ROBO1: variants seen among roughly 807,000 people sequenced by gnomAD.
ROBO1 encodes the protein roundabout homolog 1.
Under a neutral mutation model 195.9 loss-of-function variants are expected in ROBO1, and 149 were observed. The observed-to-expected ratio is 0.76, with a 90% confidence interval of 0.67 to 0.87. The LOEUF (loss-of-function observed/expected upper bound fraction) is 0.87. Among genes scored for constraint, ROBO1 ranks in the 40% least tolerant of loss-of-function variants. The probability of loss-of-function intolerance (pLI) is 0.00; values close to 1 mark genes in which losing one functional copy is unlikely to be tolerated. For missense variants in ROBO1, 1,933 were observed against 2,068.3 expected, an observed-to-expected ratio of 0.93 and a Z score of 1.27; for synonymous variants, 816 against 733.2, an observed-to-expected ratio of 1.11 and a Z score of -1.82.
At chr3:79,753,956 T>C (rs961414293) in intron 1 of ROBO1, among the ~76,000 whole-genome samples, 4 of 152,148 alleles carry the variant, frequency 2.6e-5, no homozygotes, top group South Asian at 2.1e-4. Flanking sequence ...AAATCTACCA[T>C]TGGTTGAGGG....
intron 1 of ROBO1, among the ~76,000 whole-genome samples, chr3:79,695,921 C>T (rs115208573): frequency 0.021 from 3,112 of 145,768 alleles, 112 homozygotes; most frequent in African/African-American, 0.072. Context: ...AAAAATTAAG[C>T]GGACACAGTT....
intron 2 of ROBO1, among the ~76,000 whole-genome samples, chr3:79,429,138 A>G (rs2038570092): frequency 6.6e-6 from 1 of 152,196 alleles, no homozygotes; most frequent in Non-Finnish European, 1.5e-5. Context: ...GACTTGAAAG[A>G]TGAAACTAGA....
intron 29 of ROBO1, among the ~76,000 whole-genome samples, chr3:78,600,893 G>A (rs2107227260): frequency 6.6e-6 from 1 of 152,222 alleles, no homozygotes; most frequent in South Asian, 2.1e-4. Flanking sequence ...TCACTCCACA[G>A]ACACCAAAAT....
intron 3 of ROBO1, among the ~76,000 whole-genome samples, chr3:79,037,209 T>G (rs940357256): frequency 1.3e-5 from 2 of 152,214 alleles, no homozygotes; most frequent in Non-Finnish European, 2.9e-5. Context: ...AGAATTAATT[T>G]TAATTAACCA....
rs112109039 is a variant in ROBO1, at chr3:79,761,332, T to A, written c.-51+6420A>T. On this transcript the variant is annotated intron_variant, in intron 1 of 30. Coordinates refer to ENST00000464233, the MANE Select transcript of ROBO1 (RefSeq NM_002941.4). The stretch of plus-strand genomic sequence containing the variant: ...TATTTACTTAAGACAATACTATATA[T>A]GAATTAAATATGTAATATATACAGT... Among the ~76,000 whole-genome samples, 1,273 of 151,750 alleles carry A rather than the reference T, an allele frequency of 8.4e-3. 16 individuals are homozygous for A. Among genetic ancestry groups the A allele is most frequent in the African/African-American group, 0.029 (1,201 of 41,444 alleles).
chr3:78,688,629 A>G lies in ROBO1; in HGVS notation c.1170+19T>C. ...CATCTTTGCTGATTTAAAAAAAAAA[A>G]GTTAGAAAAAGGTGGTACCTGACTC... On this transcript the variant is annotated intron_variant, in intron 9 of 30. Transcript: ENST00000464233. The G allele has an allele frequency of 1.3e-6, 2 of 1,548,210 alleles. No individual in the cohort carries two copies. Among genetic ancestry groups the G allele is most frequent in the Non-Finnish European group, 1.7e-6 (2 of 1,152,578 alleles).
At chr3:78,981,456 T>C (rs1304120915) in intron 3 of ROBO1, among the ~76,000 whole-genome samples, 2 of 152,298 alleles carry the variant, frequency 1.3e-5, no homozygotes, top group South Asian at 2.1e-4. Flanking sequence ...GTTTTAATTG[T>C]GGTAAAAAAC....
At chr3:78,853,473 G>GTGTGTA (rs573420540) in intron 4 of ROBO1, among the ~76,000 whole-genome samples, 1 of 148,112 alleles carries the variant, frequency 6.8e-6, no homozygotes, top group African/African-American at 2.5e-5. Flanking sequence ...GTGTGTGTGT[G>GTGTGTA]TGTATGTATG....
At chr3:79,226,981 T>A (rs918920736) in intron 2 of ROBO1, among the ~76,000 whole-genome samples, 1 of 152,184 alleles carries the variant, frequency 6.6e-6, no homozygotes, top group African/African-American at 2.4e-5. Flanking sequence ...GATCTGTTTC[T>A]CCCTTCTCAG....
chr3:78,734,760 C>T (rs2082357994), intron 5 of ROBO1, among the ~76,000 whole-genome samples: 1 of 152,090 alleles, frequency 6.6e-6, no homozygotes, highest in Non-Finnish European at 1.5e-5. Flanking sequence ...CATTATAGTA[C>T]TTAGATGAAA....
intron 2 of ROBO1, among the ~76,000 whole-genome samples, chr3:79,464,692 T>C (rs538727864): frequency 1.3e-5 from 2 of 152,338 alleles, no homozygotes; most frequent in African/African-American, 2.4e-5. Context: ...ATTTTTCATC[T>C]TTTATTTTCT....
intron 3 of ROBO1, among the ~76,000 whole-genome samples, chr3:79,004,252 T>C (rs1038259699): frequency 1.3e-5 from 2 of 152,226 alleles, no homozygotes; most frequent in African/African-American, 4.8e-5. Context: ...AATTTTGGTA[T>C]TTCTTCTTTC....
At chr3:79,535,029 G>T (rs543150516) in intron 2 of ROBO1, among the ~76,000 whole-genome samples, 4 of 152,002 alleles carry the variant, frequency 2.6e-5, no homozygotes, top group Admixed American at 6.6e-5. Flanking sequence ...TCTTTTATAC[G>T]ATCTCTCCTA....
rs1553755369 is a variant in ROBO1, at chr3:78,882,828, T to TC, written c.499+55772dup. ...CTTCCTAATCTTTTTTTTTTTTTTT[T>TC]CTGAGCCTGAGTCTCACTCTATTGC... On this transcript the variant is annotated intron_variant, in intron 4 of 30. Coordinates refer to ENST00000464233, the MANE Select transcript of ROBO1 (RefSeq NM_002941.4). Among the ~76,000 whole-genome samples, 156 of 151,508 alleles carry TC rather than the reference T, an allele frequency of 1.0e-3. 1 individual carries two copies. The highest frequency in any genetic ancestry group is 3.3e-3 in the African/African-American group (138 of 41,276).
intron 1 of ROBO1, among the ~76,000 whole-genome samples, chr3:79,680,634 T>C (rs1403904709): frequency 6.6e-6 from 1 of 152,042 alleles, no homozygotes; most frequent in Non-Finnish European, 1.5e-5. Context: ...TCCAAGCATA[T>C]TCAGCTGGTG....
At chr3:78,914,603 A>G (rs1407014172) in intron 4 of ROBO1, among the ~76,000 whole-genome samples, 2 of 151,386 alleles carry the variant, frequency 1.3e-5, no homozygotes, top group African/African-American at 4.8e-5. Context: ...CAATGTTTTT[A>G]TTACACGTAA....
At chr3:79,191,283 C>T (rs879847921) in intron 2 of ROBO1, among the ~76,000 whole-genome samples, 1 of 151,120 alleles carries the variant, frequency 6.6e-6, no homozygotes, top group Non-Finnish European at 1.5e-5. Context: ...ATAAGGCATA[C>T]CATCATATTA....
At chr3:78,918,244 T>G (rs1185392479) in intron 4 of ROBO1, among the ~76,000 whole-genome samples, 1 of 152,192 alleles carries the variant, frequency 6.6e-6, no homozygotes, top group Non-Finnish European at 1.5e-5. Context: ...TAAATTGTGT[T>G]GATGACATTT....
At chr3:78,673,554 CATATATTTTATATATATATATATAT>C (rs1708196394) in intron 10 of ROBO1, among the ~76,000 whole-genome samples, 1 of 83,238 alleles carries the variant, frequency 1.2e-5, no homozygotes, top group Non-Finnish European at 2.5e-5. Context: ...AGCTAGGTTA[CATATATTTTATATATATATATATAT>C]ATATATATAT....
Sources: gnomAD v4.1 joint callset for allele counts (sites outside exome capture counted in the v4.1 genomes callset) on GRCh38, gnomAD v4.1.1 for gene constraint, MANE v1.5 for transcripts, NCBI Gene and HGNC (gene_info 2026-07-23, HGNC 2026-07-21) for gene names.